The following SLC25A48 variants were observed in gnomAD, a reference collection of about 807,000 sequenced individuals.
The protein encoded by SLC25A48 is solute carrier family 25 member 48.
A neutral mutation model predicts 32.2 loss-of-function variants in SLC25A48; 29 were observed. The observed-to-expected ratio is 0.90, with a 90% CI of 0.67 to 1.23. SLC25A48 has a LOEUF of 1.23. Ranked by LOEUF, SLC25A48 falls within the 50% of genes most tolerant of loss-of-function variation. SLC25A48 has a pLI of 0.00. For missense variants in SLC25A48, 399 were observed against 422.7 expected (o/e 0.94, Z 0.49); for synonymous variants, 164 against 172.3 (o/e 0.95, Z 0.38).
chr5:135,845,217 C>T (rs1031317890), intron 2 of SLC25A48, among the ~76,000 whole-genome samples: 1 of 152,248 alleles, frequency 6.6e-6, no homozygotes, highest in Non-Finnish European at 1.5e-5. Context: ...GGCAGTGGCT[C>T]TGTAACTCCA....
At chr5:135,588,703 G>T (rs564648458) in intron 1 of SLC25A48, among the ~76,000 whole-genome samples, 1 of 152,284 alleles carries the variant, frequency 6.6e-6, no homozygotes, top group Non-Finnish European at 1.5e-5. Flanking sequence ...AAGGTGACCC[G>T]CAGGGACAGG....
chr5:135,887,983 G>C, intron 7 of SLC25A48, 49 bp from the exon 8 acceptor site: 1 of 1,536,896 alleles, frequency 6.5e-7, no homozygotes, highest in South Asian at 1.2e-5. Context: ...TCTGGTTTCT[G>C]TTCTTTGCCT....
intron 1 of SLC25A48, chr5:135,609,716 A>G (rs1175105243): frequency 6.6e-6 from 1 of 152,270 alleles, no homozygotes. Context: ...AGATTAACCC[A>G]TGTCTAAGAT....
At chr5:135,858,143 C>T (rs1760487104) in intron 4 of SLC25A48, among the ~76,000 whole-genome samples, 1 of 152,172 alleles carries the variant, frequency 6.6e-6, no homozygotes, top group Admixed American at 6.5e-5. Context: ...TAAATAAACC[C>T]CCGAGGCAGC....
At chr5:135,885,096 G>A (rs1237416091) in intron 7 of SLC25A48, among the ~76,000 whole-genome samples, 1 of 152,118 alleles carries the variant, frequency 6.6e-6, no homozygotes, top group African/African-American at 2.4e-5. Context: ...CAGCCATGAT[G>A]ATGGCTATTT....
chr5:135,771,697 G>A (rs1756416628), intron 3 of SLC25A48, among the ~76,000 whole-genome samples: 1 of 151,418 alleles, frequency 6.6e-6, no homozygotes, highest in African/African-American at 2.4e-5. Context: ...AATATTGCTG[G>A]GGGTGTACAT....
intron 3 of SLC25A48, among the ~76,000 whole-genome samples, chr5:135,673,696 C>T (rs1336533201): frequency 6.6e-6 from 1 of 151,954 alleles, no homozygotes; most frequent in African/African-American, 2.4e-5. Context: ...TTTTAATGAA[C>T]AAATATTTTA....
intron 7 of SLC25A48, among the ~76,000 whole-genome samples, chr5:135,884,940 G>T (rs1424489622): frequency 2.0e-5 from 3 of 152,104 alleles, no homozygotes; most frequent in African/African-American, 7.2e-5. Flanking sequence ...GGCATGCAGA[G>T]AGAAGCATTG....
chr5:135,812,086 A>T (rs13358364), intron 3 of SLC25A48, among the ~76,000 whole-genome samples: 34,178 of 152,002 alleles, frequency 0.22, 4,674 homozygotes, highest in East Asian at 0.44. Context: ...TGTCTCAAAA[A>T]AAATAAATAA....
chr5:135,814,193 C>T (rs1388056032), intron 4 of SLC25A48, among the ~76,000 whole-genome samples: 1 of 152,206 alleles, frequency 6.6e-6, no homozygotes, highest in Non-Finnish European at 1.5e-5. Flanking sequence ...ATGTCCCTGA[C>T]TGGGCTTCTG....
At chr5:135,762,838 G>A (rs1056433772) in intron 3 of SLC25A48, among the ~76,000 whole-genome samples, 1 of 151,834 alleles carries the variant, frequency 6.6e-6, no homozygotes, top group Non-Finnish European at 1.5e-5. Context: ...GTGTGAGTTT[G>A]TAAAAGAATC....
intron 4 of SLC25A48, among the ~76,000 whole-genome samples, chr5:135,861,290 G>T (rs541042087): frequency 2.7e-5 from 4 of 150,188 alleles, no homozygotes; most frequent in South Asian, 4.2e-4. Context: ...AAATGGATGT[G>T]CACTAGTCCA....
At chr5:135,886,634 T>TATATATATATATATATAA (rs1554088453) in intron 7 of SLC25A48, among the ~76,000 whole-genome samples, 2 of 29,166 alleles carry the variant, frequency 6.9e-5, no homozygotes, top group Non-Finnish European at 1.1e-4. Flanking sequence ...TATATATATA[T>TATATATATATATATATAA]ATAAAATATA....
chr5:135,829,151 T>A (rs936790787), intron 4 of SLC25A48, among the ~76,000 whole-genome samples: 2 of 152,176 alleles, frequency 1.3e-5, no homozygotes, highest in Admixed American at 6.5e-5. Flanking sequence ...GAGTAGGCTG[T>A]CCCCAAACAC....
chr5:135,758,423 C>A (rs1561478919), intron 3 of SLC25A48, among the ~76,000 whole-genome samples: 1 of 150,686 alleles, frequency 6.6e-6, no homozygotes. Context: ...TCTATCACAT[C>A]TCTAGTTTTA....
At chr5:135,723,380 T>TCTCACACACACACACACACACACACA (rs1356362581) in intron 3 of SLC25A48, among the ~76,000 whole-genome samples, 3 of 111,714 alleles carry the variant, frequency 2.7e-5, no homozygotes, top group Admixed American at 1.9e-4. Context: ...TCTCTCTCTC[T>TCTCACACACACACACACACACACACA]CACACACACA....
chr5:135,872,893 G>C (rs1269411545), intron 5 of SLC25A48: 1 of 152,266 alleles, frequency 6.6e-6, no homozygotes, highest in Admixed American at 6.5e-5. Context: ...ACAGTTTCAC[G>C]TTCTGGCCCC....
intron 3 of SLC25A48, among the ~76,000 whole-genome samples, chr5:135,751,272 G>T (rs921985822): frequency 6.6e-6 from 1 of 152,190 alleles, no homozygotes; most frequent in Non-Finnish European, 1.5e-5. Context: ...GTTTGTTTCA[G>T]CCGGGATATG....
At position 135,847,864 on chromosome 5, in the gene SLC25A48, C is replaced by T. The variant is rs555039395; in HGVS notation, c.91-2561C>T. On this transcript the variant is annotated intron_variant, in intron 2 of 7. Transcript: ENST00000681962. Reference sequence around the variant, plus strand: ...TCTTAGAACTGTGAGATAATGCATTCATGCTGTTTTAAGCCATGAAGTTTG... The same window carrying T: ...TCTTAGAACTGTGAGATAATGCATTTATGCTGTTTTAAGCCATGAAGTTTG... Among the ~76,000 whole-genome samples, 9 of 152,306 alleles carry T rather than the reference C, an allele frequency of 5.9e-5. No homozygotes were observed. In the South Asian group the frequency reaches 1.9e-3, roughly 32 times the overall value.
Sources: gnomAD v4.1 joint callset for allele counts (sites outside exome capture counted in the v4.1 genomes callset) on GRCh38, gnomAD v4.1.1 for gene constraint, MANE v1.5 for transcripts, NCBI Gene and HGNC (gene_info 2026-07-23, HGNC 2026-07-21) for gene names.